The following TAF1 variants were observed in gnomAD, a reference collection of about 807,000 sequenced individuals.
The protein encoded by TAF1 is transcription initiation factor TFIID subunit 1.
A neutral mutation model predicts 138.5 loss-of-function variants in TAF1; 2 were observed. That is an observed-to-expected ratio of 0.01 (90% CI 0.01 to 0.05). The LOEUF is 0.05. TAF1 is among the 10% of genes least tolerant of loss of function. The pLI is 1.00. For synonymous variants in TAF1, 437 were observed against 503.2 expected (o/e 0.87, Z 1.76); for missense variants, 709 against 1,478.0 (o/e 0.48, Z 8.53).
At chrX:71,471,280 T>A (rs769729068) in intron 13 of TAF1, among the ~76,000 whole-genome samples, 20 of 100,547 alleles carry the variant, frequency 2.0e-4, no homozygotes, top group African/African-American at 7.4e-4. Flanking sequence ...ATCACACCAC[T>A]GCACTCCACC....
rs967724167 is a variant in TAF1 at position 71,464,442 on chromosome X, C to T, written c.*396C>T. ...ATTTCCGGCCAGGCGTGGTGGCTCA[C>T]ACCTGTAATCTCAGCACTCTGGGAG... On this transcript the variant is annotated 3_prime_UTR_variant, in exon 38 of 38. Transcript: ENST00000423759. 1.2e-5 allele frequency: 4 copies of T among 322,656 alleles called. No individual in the cohort carries two copies. The highest frequency in any genetic ancestry group is 2.7e-5 in the African/African-American group (1 of 36,874). 26.6% of individuals were successfully genotyped at this position (322,656 alleles called of 1,213,427 possible). A position where few individuals can be genotyped will look rare whatever the true frequency, so the allele number is the denominator to read the frequency against.
intron 28 of TAF1, among the ~76,000 whole-genome samples, chrX:71,410,901 C>T (rs1305419892): frequency 9.1e-6 from 1 of 110,163 alleles, no homozygotes; most frequent in East Asian, 2.8e-4. Flanking sequence ...TCCTGCCTCA[C>T]CCTCCTGAGT....
At chrX:71,508,086 C>CTCTCTCTCTATATATATATATATATA (rs4040068) in intron 13 of TAF1, among the ~76,000 whole-genome samples, 4 of 92,179 alleles carry the variant, frequency 4.3e-5, no homozygotes, top group Non-Finnish European at 8.4e-5. Flanking sequence ...CTCTCTCTCT[C>CTCTCTCTCTATATATATATATATATA]TATATATATA....
At chrX:71,367,748 G>A in intron 2 of TAF1, 135 bp downstream of exon 2, 1 of 718,131 alleles carries the variant, frequency 1.4e-6, no homozygotes, top group Non-Finnish European at 2.0e-6. Flanking sequence ...TGGGCTGACT[G>A]CAGCCTCCGC....
chrX:71,441,195 C>A (rs2037399395), intron 32 of TAF1, among the ~76,000 whole-genome samples: 1 of 110,490 alleles, frequency 9.1e-6, no homozygotes, highest in Non-Finnish European at 1.9e-5. Flanking sequence ...TGTATATTTT[C>A]TTTGGTGAAG....
intron 1 of TAF1, 120 bp from the exon 2 acceptor site, chrX:71,367,379 C>T (rs771106191): frequency 1.3e-5 from 11 of 842,923 alleles, no homozygotes; most frequent in Non-Finnish European, 1.9e-5. Context: ...TGTTTTGGCA[C>T]ACTGCACAGT....
intron 13 of TAF1, chrX:71,528,498 T>C (rs1427297315): frequency 6.6e-6 from 2 of 304,529 alleles, no homozygotes; most frequent in African/African-American, 5.4e-5. Flanking sequence ...TTCAGGAATG[T>C]CTTCATGGCT....
At chrX:71,401,766 A>G (rs1428699566) in intron 25 of TAF1, 27 bp downstream of exon 25, 1 of 1,184,026 alleles carries the variant, frequency 8.4e-7, no homozygotes, top group Non-Finnish European at 1.1e-6. Context: ...AGGAAGTGCT[A>G]TGGGACAGAT....
At chrX:71,483,828 T>A (rs2039125717) in intron 13 of TAF1, among the ~76,000 whole-genome samples, 1 of 99,706 alleles carries the variant, frequency 1.0e-5, no homozygotes, top group Admixed American at 1.1e-4. Context: ...CATTATTTTT[T>A]TTCTTCTGCA....
chrX:71,486,632 G>A (rs753524389), intron 13 of TAF1, among the ~76,000 whole-genome samples: 2 of 109,223 alleles, frequency 1.8e-5, no homozygotes, highest in Non-Finnish European at 3.8e-5. Flanking sequence ...TTACCGGCGT[G>A]AGCCATCAAG....
Position 71,406,620 on chromosome X carries a change from A to G in TAF1, c.3999-18A>G, listed in dbSNP as rs370686173. On this transcript the variant is annotated intron_variant, in intron 25 of 37. Transcript: ENST00000423759. ...CTAGAAATAGGGGCTGTATCTAACTAAAGTGTTTTGATTTTAGTGCGGATG... is the reference window on the plus strand; with the variant it reads ...CTAGAAATAGGGGCTGTATCTAACTGAAGTGTTTTGATTTTAGTGCGGATG... 13 of 1,195,622 alleles carry G rather than the reference A, an allele frequency of 1.1e-5. No individual in the cohort carries two copies. In the African/African-American group the frequency reaches 1.9e-4, roughly 18 times the overall value.
intron 18 of TAF1, among the ~76,000 whole-genome samples, chrX:71,390,185 TTTC>T (rs2034478519): frequency 8.9e-6 from 1 of 112,051 alleles, no homozygotes; most frequent in African/African-American, 3.2e-5. Flanking sequence ...AGGATTTTCA[TTTC>T]TTCTAGAAAA....
chrX:71,450,135 G>T (rs549804998), intron 32 of TAF1, among the ~76,000 whole-genome samples: 1 of 111,239 alleles, frequency 9.0e-6, no homozygotes. Flanking sequence ...TTTCTGTGAG[G>T]ATACAACTTT....
chrX:71,501,922 G>A (rs778768702), intron 13 of TAF1, among the ~76,000 whole-genome samples: 1 of 111,736 alleles, frequency 8.9e-6, no homozygotes, highest in East Asian at 2.8e-4. Flanking sequence ...GCCAGGATGT[G>A]TCCGGAGTTG....
chrX:71,473,143 C>T (rs755751984), intron 13 of TAF1, among the ~76,000 whole-genome samples: 21 of 111,813 alleles, frequency 1.9e-4, no homozygotes. Context: ...GTCAGATAGA[C>T]ACAATAAGCA....
At chrX:71,389,935 A>G (rs28742601) in intron 18 of TAF1, among the ~76,000 whole-genome samples, 3,825 of 110,244 alleles carry the variant, frequency 0.035, 170 homozygotes, top group African/African-American at 0.12. Context: ...CATGACCTCG[A>G]CTCACTGCAA....
chrX:71,467,197 G>A (rs1343490635), downstream of TAF1, among the ~76,000 whole-genome samples: 1 of 107,481 alleles, frequency 9.3e-6, no homozygotes, highest in Non-Finnish European at 1.9e-5. Context: ...AGATAAACAC[G>A]TGAACAAAGG....
chrX:71,462,757 T>C (rs946514310), intron 37 of TAF1, among the ~76,000 whole-genome samples: 1 of 110,951 alleles, frequency 9.0e-6, no homozygotes, highest in Non-Finnish European at 1.9e-5. Flanking sequence ...TTGATAGAAA[T>C]GGGGTGGTTT....
At chrX:71,405,574 C>T (rs2035423478) in intron 25 of TAF1, among the ~76,000 whole-genome samples, 1 of 112,332 alleles carries the variant, frequency 8.9e-6, no homozygotes, top group Non-Finnish European at 1.9e-5. Context: ...TGGTCTCGAA[C>T]TTCTGAGCTC....
Sources: allele counts gnomAD v4.1 joint callset (sites outside exome capture counted in the v4.1 genomes callset), GRCh38; gene constraint gnomAD v4.1.1; transcripts MANE v1.5; gene names NCBI Gene and HGNC (gene_info 2026-07-23, HGNC 2026-07-21).